The following MEGF6 variants were observed in gnomAD, a reference collection of about 807,000 sequenced individuals.
MEGF6 encodes the protein multiple EGF like domains 6, also known as multiple epidermal growth factor-like domains protein 6.
Under a neutral mutation model 207.1 loss-of-function variants are expected in MEGF6, and 184 were observed. The ratio of observed to expected loss-of-function variants is 0.89; its 90% CI spans 0.79 to 1.00. The LOEUF is 1.00. MEGF6 is among the 50% of genes least tolerant of loss of function. The pLI is 0.00. For synonymous variants in MEGF6, 1,038 were observed against 910.0 expected (o/e 1.14, Z -2.53); for missense variants, 2,282 against 2,202.9 (o/e 1.04, Z -0.72).
At chr1:3,511,756 C>T (rs993479979) in intron 8 of MEGF6, 69 bp from the exon 9 acceptor site, 10 of 1,557,392 alleles carry the variant, frequency 6.4e-6, no homozygotes, top group African/African-American at 4.1e-5. Context: ...CTTAGTTACC[C>T]CTACCTCCAC....
At chr1:3,496,862 A>G (rs12405358) in intron 28 of MEGF6, 79 bp from the exon 29 acceptor site, 415,758 of 1,520,934 alleles carry the variant, frequency 0.27, 57,578 homozygotes, top group African/African-American at 0.36. Context: ...GGCAGCTCTC[A>G]TGAGACCCCC....
chr1:3,568,243 T>C (rs1004787867), intron 4 of MEGF6, among the ~76,000 whole-genome samples: 1 of 152,112 alleles, frequency 6.6e-6, no homozygotes. Flanking sequence ...CTGCCATGAA[T>C]GTGTCATAGA....
intron 30 of MEGF6, 45 bp from the exon 31 acceptor site, chr1:3,494,786 T>G: frequency 1.3e-6 from 2 of 1,504,936 alleles, no homozygotes; most frequent in African/African-American, 1.4e-5. Flanking sequence ...GGCCGAGGGC[T>G]GGGCTCCCTC....
chr1:3,508,785 T>C, intron 12 of MEGF6, 96 bp from the exon 13 acceptor site: 1 of 1,477,242 alleles, frequency 6.8e-7, no homozygotes, highest in Non-Finnish European at 9.2e-7. Context: ...GGAAGGGGCA[T>C]AAGGGGCATC....
chr1:3,513,369 G>C (rs1641422506), intron 7 of MEGF6, among the ~76,000 whole-genome samples: 2 of 150,130 alleles, frequency 1.3e-5, no homozygotes, highest in Admixed American at 1.3e-4. Context: ...GGCATCCCGA[G>C]TAGCTGGGAC....
intron 3 of MEGF6, among the ~76,000 whole-genome samples, chr1:3,587,110 G>C (rs561626790): frequency 6.6e-6 from 1 of 152,250 alleles, no homozygotes; most frequent in Non-Finnish European, 1.5e-5. Flanking sequence ...ATATCTCACA[G>C]GGCACTTTGC....
rs115014124 is a variant in MEGF6 at position 3,573,076 on chromosome 1, T to C, written c.481+6749A>G. ...GCTGGGTCCTCCCTGGTGGGCTGGG[T>C]TCCCTCAGGTGTGCTGGGTCCTTCC... On this transcript the variant is annotated intron_variant, in intron 4 of 36. Transcript: ENST00000356575. This position sits in a 1 kb window ranked among gnomAD's most constrained non-coding sequence, Gnocchi z 5.1. 0.16 allele frequency among the ~76,000 whole-genome samples: 24,043 copies of C among 148,146 alleles called. 2,408 individuals carry two copies. The highest frequency in any genetic ancestry group is 0.27 in the African/African-American group (10,762 of 39,816).
Position 3,565,968 on chromosome 1 carries a change from A to C in MEGF6, c.481+13857T>G, listed in dbSNP as rs2101666505. On this transcript the variant is annotated intron_variant, in intron 4 of 36. Transcript: ENST00000356575. The surrounding 1 kb of genome is among the most constrained non-coding windows in gnomAD (Gnocchi z 4.8). Reference sequence around the variant, plus strand: ...GCTGCTATAGGACCCGCCGTGGACCACTGCCCTGCAGGTTCATAGAGCCCT... The same window carrying C: ...GCTGCTATAGGACCCGCCGTGGACCCCTGCCCTGCAGGTTCATAGAGCCCT... Among the ~76,000 whole-genome samples the C allele has an allele frequency of 6.6e-6, 1 of 152,262 alleles. No individual in the cohort carries two copies. Among genetic ancestry groups the C allele is most frequent in the South Asian group, 2.1e-4 (1 of 4,828 alleles).
upstream of MEGF6, among the ~76,000 whole-genome samples, chr1:3,615,918 C>T (rs1054044761): frequency 1.3e-5 from 2 of 152,242 alleles, no homozygotes; most frequent in South Asian, 2.1e-4. Context: ...AGTGGACAGG[C>T]TTCCATTTCT....
chr1:3,586,102 T>C (rs1410795443), intron 3 of MEGF6, among the ~76,000 whole-genome samples: 2 of 144,204 alleles, frequency 1.4e-5, no homozygotes, highest in Non-Finnish European at 3.0e-5. Flanking sequence ...ACATGTCCTG[T>C]GTGAGTGACA....
At chr1:3,546,077 C>T (rs1379598964) in intron 4 of MEGF6, among the ~76,000 whole-genome samples, 3 of 152,216 alleles carry the variant, frequency 2.0e-5, no homozygotes, top group Non-Finnish European at 2.9e-5. Flanking sequence ...CTCCCAGGGG[C>T]CAGGCTGCCC....
At chr1:3,574,921 G>A (rs150750108) in intron 4 of MEGF6, among the ~76,000 whole-genome samples, 2,413 of 152,330 alleles carry the variant, frequency 0.016, 66 homozygotes, top group African/African-American at 0.055. Context: ...GGGATTACAG[G>A]TGTGAGCCAC....
intron 5 of MEGF6, among the ~76,000 whole-genome samples, chr1:3,516,153 C>T (rs754380093): frequency 2.6e-5 from 4 of 152,356 alleles, no homozygotes; most frequent in Admixed American, 2.0e-4. Flanking sequence ...CATGCACATT[C>T]CTGCAGAGCA....
intron 3 of MEGF6, among the ~76,000 whole-genome samples, chr1:3,586,388 CGTGT>C (rs148022094): frequency 1.3e-5 from 2 of 152,082 alleles, no homozygotes; most frequent in East Asian, 1.9e-4. Context: ...TGTGCGTATG[CGTGT>C]GTGTGTGCCA....
chr1:3,496,808 G>A, intron 28 of MEGF6, 25 bp from the exon 29 acceptor site: 2 of 1,547,686 alleles, frequency 1.3e-6, no homozygotes, highest in South Asian at 1.2e-5. Context: ...GCTAGCTGCA[G>A]GGGCTGGGGC....
At chr1:3,555,828 C>T (rs537371577) in intron 4 of MEGF6, among the ~76,000 whole-genome samples, 16 of 152,360 alleles carry the variant, frequency 1.1e-4, no homozygotes, top group African/African-American at 3.6e-4. Context: ...TGCCCCCAAC[C>T]AAGGAAGCGA....
intron 3 of MEGF6, 53 bp from the exon 4 acceptor site, chr1:3,579,982 G>C (rs1643753718): frequency 7.6e-7 from 1 of 1,321,622 alleles, no homozygotes; most frequent in South Asian, 1.5e-5. Flanking sequence ...GTGAGGCAGG[G>C]GGAGGTGAGG....
At chr1:3,491,366 AG>A (rs369626685) in intron 35 of MEGF6, among the ~76,000 whole-genome samples, 23 of 152,182 alleles carry the variant, frequency 1.5e-4, no homozygotes, top group African/African-American at 5.5e-4. Flanking sequence ...AGGTGCCGGC[AG>A]CCGGCGGTGC....
chr1:3,537,383 C>T (rs12727047), intron 4 of MEGF6, among the ~76,000 whole-genome samples: 6 of 152,180 alleles, frequency 3.9e-5, no homozygotes, highest in African/African-American at 7.2e-5. Context: ...CCGGGAGCCA[C>T]GGCCCATAGT....
Sources: allele counts gnomAD v4.1 joint callset (sites outside exome capture counted in the v4.1 genomes callset), GRCh38; gene constraint gnomAD v4.1.1; non-coding constraint Gnocchi (gnomAD v3.1); transcripts MANE v1.5; gene names NCBI Gene and HGNC (gene_info 2026-07-23, HGNC 2026-07-21).